Variants in MDGA2 observed in about 807,000 individuals in gnomAD.
MDGA2 encodes the protein MAM domain-containing glycosylphosphatidylinositol anchor protein 2.
A neutral mutation model predicts 117.8 loss-of-function variants in MDGA2; 40 were observed. The ratio of observed to expected loss-of-function variants is 0.34; its 90% CI spans 0.26 to 0.44. The LOEUF (loss-of-function observed/expected upper bound fraction) is 0.44, where lower values mean the gene tolerates loss of function less well. MDGA2 is among the 20% of genes least tolerant of loss of function. The pLI, the probability that MDGA2 is intolerant of heterozygous loss-of-function variation, is 1.00. For missense variants in MDGA2, 1,123 were observed against 1,250.6 expected (o/e 0.90, Z 1.54); for synonymous variants, 452 against 439.0 (o/e 1.03, Z -0.37).
At chr14:46,931,682 T>A (rs1193755687) in intron 9 of MDGA2, among the ~76,000 whole-genome samples, 5 of 151,628 alleles carry the variant, frequency 3.3e-5, no homozygotes, top group African/African-American at 1.2e-4. Context: ...GCCACCACAC[T>A]CAGCTAATTT....
intron 14 of MDGA2, among the ~76,000 whole-genome samples, chr14:46,863,386 A>G (rs1881591766): frequency 6.6e-6 from 1 of 152,148 alleles, no homozygotes; most frequent in Non-Finnish European, 1.5e-5. Context: ...CTTTTATCAT[A>G]TTTGTCATTT....
intron 1 of MDGA2, among the ~76,000 whole-genome samples, chr14:47,318,144 T>C (rs529059389): frequency 4.8e-5 from 7 of 147,070 alleles, no homozygotes; most frequent in Admixed American, 3.4e-4. Context: ...TCCCATTGAA[T>C]CTCCAGGGAG....
intron 1 of MDGA2, among the ~76,000 whole-genome samples, chr14:47,559,484 C>T (rs975021463): frequency 6.6e-6 from 1 of 151,774 alleles, no homozygotes; most frequent in East Asian, 1.9e-4. Context: ...TTTATCCATT[C>T]TACTATTCAT....
intron 9 of MDGA2, among the ~76,000 whole-genome samples, chr14:46,949,538 C>T (rs889394941): frequency 6.6e-5 from 10 of 151,906 alleles, no homozygotes; most frequent in African/African-American, 1.9e-4. Flanking sequence ...TCCCCAGAGT[C>T]TATTATTTCC....
In MDGA2 at chr14:46,940,861, A is replaced by G. The variant is rs200212247; in HGVS notation, c.2089+16513T>C. ...CCATCGCTGAATATGAATGTGCTGA[A>G]TATCATTTGGGCAAGGAGCAAGAGG... On this transcript the variant is annotated intron_variant, in intron 9 of 16. Coordinates refer to ENST00000399232, the MANE Select transcript of MDGA2 (RefSeq NM_001113498.3). Among the ~76,000 whole-genome samples the G allele has an allele frequency of 2.6e-5, 4 of 152,320 alleles. No homozygotes were observed. In the East Asian group the frequency reaches 7.7e-4, roughly 29 times the overall value.
At position 47,485,910 on chromosome 14, in the gene MDGA2, G is replaced by C. The variant is rs530758228; in HGVS notation, c.281-184360C>G. On this transcript the variant is annotated intron_variant, in intron 1 of 16. Transcript: ENST00000399232. ...CTGGATGTCCAGGCAGAAGTTTGCT[G>C]CAGGGGCAGGGAGGGCTCTCATGGA... 2.2e-4 allele frequency among the ~76,000 whole-genome samples: 34 copies of C among 152,322 alleles called. No homozygotes were observed. The South Asian group carries it at 6.4e-3, about 29-fold the overall frequency.
intron 5 of MDGA2, among the ~76,000 whole-genome samples, chr14:47,129,612 T>C (rs1197522681): frequency 6.7e-6 from 1 of 149,478 alleles, no homozygotes; most frequent in Non-Finnish European, 1.5e-5. Context: ...TACCCAGTAA[T>C]GGGATGGCTG....
At chr14:47,253,150 G>C (rs1031488226) in intron 2 of MDGA2, among the ~76,000 whole-genome samples, 15 of 152,254 alleles carry the variant, frequency 9.9e-5, no homozygotes, top group African/African-American at 3.6e-4. Context: ...AGATTTGAGT[G>C]AGGACACAGC....
chr14:47,525,954 T>C (rs1442975978), intron 1 of MDGA2, among the ~76,000 whole-genome samples: 1 of 152,152 alleles, frequency 6.6e-6, no homozygotes, highest in South Asian at 2.1e-4. Flanking sequence ...TTAAATATTC[T>C]TCTTCATTTT....
At chr14:47,021,521 CTTA>C (rs879421959) in intron 8 of MDGA2, among the ~76,000 whole-genome samples, 1 of 152,120 alleles carries the variant, frequency 6.6e-6, no homozygotes, top group Non-Finnish European at 1.5e-5. Context: ...CCTTCAATCT[CTTA>C]TTTTTTATTC....
chr14:47,490,004 T>C (rs1048976447), intron 1 of MDGA2, among the ~76,000 whole-genome samples: 2 of 152,058 alleles, frequency 1.3e-5, no homozygotes, highest in East Asian at 3.8e-4. Flanking sequence ...TAACAAAGAA[T>C]AAAGAATGAC....
chr14:47,506,321 T>C (rs1192943190), intron 1 of MDGA2, among the ~76,000 whole-genome samples: 1 of 152,186 alleles, frequency 6.6e-6, no homozygotes, highest in East Asian at 1.9e-4. Flanking sequence ...AAAAAATCTA[T>C]TTTTCCTACA....
intron 1 of MDGA2, among the ~76,000 whole-genome samples, chr14:47,514,573 C>G (rs1894712504): frequency 1.3e-5 from 2 of 152,112 alleles, no homozygotes; most frequent in African/African-American, 4.8e-5. Context: ...CCCAGTAATT[C>G]TACCATCAGT....
chr14:47,411,666 G>A (rs1428291576), intron 1 of MDGA2, among the ~76,000 whole-genome samples: 1 of 152,112 alleles, frequency 6.6e-6, no homozygotes, highest in Non-Finnish European at 1.5e-5. Flanking sequence ...GGCAGTAGGC[G>A]CATGAAGGAG....
At chr14:46,922,236 G>T (rs1187984425) in intron 9 of MDGA2, among the ~76,000 whole-genome samples, 4 of 152,084 alleles carry the variant, frequency 2.6e-5, no homozygotes, top group Non-Finnish European at 5.9e-5. Flanking sequence ...ACTTAGAAAT[G>T]TTCTACCAAT....
intron 1 of MDGA2, among the ~76,000 whole-genome samples, chr14:47,420,690 G>C (rs1892560154): frequency 6.6e-6 from 1 of 151,956 alleles, no homozygotes; most frequent in South Asian, 2.1e-4. Context: ...TGAAGCCATA[G>C]GTATTACAGA....
Position 46,873,475 on chromosome 14 carries a change from A to G in MDGA2, c.2710T>C (p.Tyr904His). 6.2e-7 allele frequency: 1 copy of G among 1,612,396 alleles called. No individual in the cohort carries two copies. ...ATGTGATAAAAGAAGCTGAAACAAT[A>G]TGCAGTGTTTGTGGGTCCATAAGGG... is the stretch of plus-strand genomic sequence containing the variant. ...KNPYGPTNTAYCFSFFYHMYG... is the reference protein window; with the variant it reads ...KNPYGPTNTAHCFSFFYHMYG... Residue 904 changes from tyrosine to histidine, a missense_variant, in exon 14 of 17, where the codon TAT becomes CAT. By Grantham distance (83) the Tyr-to-His change is moderately conservative. Around this residue, in one of 2 missense-constraint regions of MDGA2, gnomAD observed 890 missense variants for 1,050.3 expected, o/e 0.85. Transcript: ENST00000399232.
intron 10 of MDGA2, among the ~76,000 whole-genome samples, chr14:46,894,881 C>T (rs1883017942): frequency 6.6e-6 from 1 of 152,068 alleles, no homozygotes; most frequent in African/African-American, 2.4e-5. Context: ...TTGGAAAAAA[C>T]ACATTCTAAT....
chr14:47,308,457 A>G (rs1889527269), intron 1 of MDGA2, among the ~76,000 whole-genome samples: 1 of 151,042 alleles, frequency 6.6e-6, no homozygotes, highest in Non-Finnish European at 1.5e-5. Context: ...AAATTTCTCT[A>G]AAAGGCCACT....
Sources: allele counts gnomAD v4.1 joint callset (sites outside exome capture counted in the v4.1 genomes callset), GRCh38; gene constraint gnomAD v4.1.1; regional missense constraint gnomAD v4.1.1; transcripts MANE v1.5; gene names NCBI Gene and HGNC (gene_info 2026-07-23, HGNC 2026-07-21).